Variants in SACS observed in about 807,000 individuals in gnomAD.
SACS encodes sacsin.
SACS carries 197 observed loss-of-function variants against 348.0 expected under a neutral mutation model. The observed-to-expected ratio is 0.57, with a 90% confidence interval of 0.50 to 0.64. The LOEUF (loss-of-function observed/expected upper bound fraction) is 0.64. Among genes scored for constraint, SACS ranks in the 30% least tolerant of loss-of-function variants. The probability of loss-of-function intolerance (pLI) is 0.00; values close to 1 mark genes in which losing one functional copy is unlikely to be tolerated. For synonymous variants in SACS, 1,985 were observed against 1,910.6 expected (o/e 1.04, Z -1.02); for missense variants, 4,999 against 5,360.8 (o/e 0.93, Z 2.11).
At position 23,333,578 on chromosome 13, in the gene SACS, G is replaced by A. The variant is rs200991790; in HGVS notation, c.10298C>T (p.Thr3433Ile). The change falls in exon 10 of 10, where the codon ACA (threonine) becomes ATA (isoleucine). Residue 3433 changes from threonine (T) to isoleucine (I), a missense_variant. Coordinates refer to ENST00000382292, the MANE Select transcript of SACS (RefSeq NM_014363.6). The part of the protein sequence containing the change: ...IGKFGTCYVL[T>I]KSIPSAEVEK... ...CACTTCAGCTGAAGGGATACTTTTT[G>A]TAAGTACGTAGCATGTTCCAAATTT... 232 of 1,613,522 alleles carry A rather than the reference G, an allele frequency of 1.4e-4. 2 individuals are homozygous for A. Among genetic ancestry groups the A allele is most frequent in the Non-Finnish European group, 2.6e-5 (31 of 1,179,716 alleles).
chr13:23,402,594 G>A (rs1566103750), intron 2 of SACS, among the ~76,000 whole-genome samples: 1 of 152,174 alleles, frequency 6.6e-6, no homozygotes, highest in East Asian at 1.9e-4. Flanking sequence ...GGCTTTGACT[G>A]GAATGTCATA....
At chr13:23,356,467 T>C (rs1870399434) in intron 7 of SACS, among the ~76,000 whole-genome samples, 1 of 152,210 alleles carries the variant, frequency 6.6e-6, no homozygotes. Context: ...GCCCTGAAGC[T>C]CATGAGGTAC....
chr13:23,421,198 TG>T (rs1367012153), intron 1 of SACS, among the ~76,000 whole-genome samples: 1 of 152,104 alleles, frequency 6.6e-6, no homozygotes, highest in Non-Finnish European at 1.5e-5. Context: ...TGAGGCCTGG[TG>T]GTCATTTGAA....
intron 6 of SACS, among the ~76,000 whole-genome samples, chr13:23,358,848 T>C (rs774044072): frequency 7.2e-5 from 11 of 152,110 alleles, no homozygotes; most frequent in Non-Finnish European, 1.0e-4. Context: ...ACCAAATAAA[T>C]ATAAAATATT....
chr13:23,330,145 T>C lies in SACS; in HGVS notation c.13731A>G (p.Gln4577=), dbSNP rs1398967426. The C allele has an allele frequency of 4.3e-6, 7 of 1,613,754 alleles. No individual in the cohort carries two copies. In the Admixed American group the frequency reaches 1.0e-4, roughly 23 times the overall value. ...TTTTCGTTAAATATCTTCACACTTT[T>C]TGTTGCATAAAATTTTCAAGTTTTA... ...IIIKLENFMQ[Q]KV The change falls in exon 10 of 10, where the codon CAA becomes CAG. Residue 4577 remains glutamine, a synonymous_variant. Transcript: ENST00000382292.
At chr13:23,422,898 T>A (rs958462057) in intron 1 of SACS, among the ~76,000 whole-genome samples, 2 of 152,162 alleles carry the variant, frequency 1.3e-5, no homozygotes, top group Admixed American at 6.5e-5. Flanking sequence ...TATGAACATA[T>A]GAATATCCAG....
Position 23,417,000 on chromosome 13 carries a change from A to C in SACS, c.-501-5260T>G, listed in dbSNP as rs74684852. Among the ~76,000 whole-genome samples, 1,291 of 152,288 alleles carry C rather than the reference A, an allele frequency of 8.5e-3. 12 individuals carry two copies. The highest frequency in any genetic ancestry group is 0.029 in the African/African-American group (1,219 of 41,558). On this transcript the variant is annotated intron_variant, in intron 1 of 9. Transcript: ENST00000382292. Reference sequence around the variant, plus strand: ...TTCATACAAACTGACAATGTTAATAATAGATTTTTTCAAGATTACTGATAT... The same window carrying C: ...TTCATACAAACTGACAATGTTAATACTAGATTTTTTCAAGATTACTGATAT...
In SACS at chr13:23,354,664, G is replaced by A; in HGVS notation, c.1948C>T (p.Leu650Phe). 6.2e-7 allele frequency: 1 copy of A among 1,614,192 alleles called. No individual in the cohort carries two copies. The highest frequency in any genetic ancestry group is 8.5e-7 in the Non-Finnish European group (1 of 1,180,036). Reference protein sequence around the residue: ...HLGCAEEKLHLLEFVLSDQAY... With the variant: ...HLGCAEEKLHFLEFVLSDQAY... The stretch of plus-strand genomic sequence containing the variant: ...TGGTCAGAAAGCACAAATTCTAGAA[G>A]GTGAAGCTTTTCTTCAGCACAGCCC... Residue 650 changes from leucine (L) to phenylalanine (F), a missense_variant, in exon 8 of 10, where the codon CTT becomes TTT. Physicochemically the swap from Leu to Phe is conservative, Grantham distance 22. This residue lies in a region of SACS where 3,156 missense variants were observed against 3,380.1 expected (regional missense o/e 0.93). Coordinates refer to ENST00000382292, the MANE Select transcript of SACS (RefSeq NM_014363.6).
intron 1 of SACS, among the ~76,000 whole-genome samples, chr13:23,429,486 C>T (rs1874344257): frequency 6.6e-6 from 1 of 150,692 alleles, no homozygotes; most frequent in Non-Finnish European, 1.5e-5. Flanking sequence ...CCTCAGCCTC[C>T]TGAGTAACTG....
chr13:23,332,620 G>A lies in SACS; in HGVS notation c.11256C>T (p.Cys3752=), dbSNP rs1381635793. 6.2e-7 allele frequency: 1 copy of A among 1,613,340 alleles called. No individual in the cohort carries two copies. The highest frequency in any genetic ancestry group is 1.3e-5 in the African/African-American group (1 of 74,900). ...ACGTCGTTATGTTGCATATGTTTCT[G>A]CAGTTATTGATTACCTTATCAAGAG... The part of the protein sequence containing the change: ...DPPLDKVINN[C]RNICNITTLD... Residue 3752 remains cysteine, a synonymous_variant, in exon 10 of 10, where the codon TGC becomes TGT. Transcript: ENST00000382292.
At chr13:23,358,777 C>T (rs371145646) in intron 6 of SACS, among the ~76,000 whole-genome samples, 6 of 152,256 alleles carry the variant, frequency 3.9e-5, no homozygotes, top group African/African-American at 1.4e-4. Flanking sequence ...AGTTACTACT[C>T]TACGTGAAAT....
Position 23,332,737 on chromosome 13 carries a change from G to C in SACS, c.11139C>G (p.Pro3713=), listed in dbSNP as rs1282794513. The change falls in exon 10 of 10, where the codon CCC becomes CCG. Residue 3713 remains proline (P), a synonymous_variant. Transcript: ENST00000382292. The part of the protein sequence containing the change: ...SCPILPEKAT[P]LSIKEQEGSD... ...TACCTTCTTGTTCTTTAATGCTTAA[G>C]GGTGTAGCTTTCTCTGGAAGAATAG... The C allele has an allele frequency of 6.2e-7, 1 of 1,614,002 alleles. No individual in the cohort carries two copies. The highest frequency in any genetic ancestry group is 8.5e-7 in the Non-Finnish European group (1 of 1,179,940).
At chr13:23,377,081 G>A (rs182642396) in intron 2 of SACS, among the ~76,000 whole-genome samples, 6 of 152,232 alleles carry the variant, frequency 3.9e-5, no homozygotes, top group East Asian at 1.9e-4. Flanking sequence ...TATATGACAC[G>A]TCCAGAATTG....
At chr13:23,379,875 C>CATGG (rs1191608307) in intron 2 of SACS, among the ~76,000 whole-genome samples, 1 of 152,184 alleles carries the variant, frequency 6.6e-6, no homozygotes, top group Non-Finnish European at 1.5e-5. Flanking sequence ...GGGCTACCAC[C>CATGG]ATGGCTTTAT....
intron 1 of SACS, among the ~76,000 whole-genome samples, chr13:23,424,246 C>A (rs1021071137): frequency 6.6e-6 from 1 of 152,204 alleles, no homozygotes; most frequent in Admixed American, 6.5e-5. Flanking sequence ...AGATTTCAGG[C>A]CGGGCATGGT....
chr13:23,424,355 G>A (rs1473719212), intron 1 of SACS, among the ~76,000 whole-genome samples: 7 of 151,882 alleles, frequency 4.6e-5, no homozygotes, highest in Non-Finnish European at 7.4e-5. Flanking sequence ...GAAAAACCCC[G>A]GCTCTACTAA....
At position 23,339,583 on chromosome 13, in the gene SACS, T is replaced by C. The variant is rs1435062134; in HGVS notation, c.4293A>G (p.Ala1431=). Residue 1431 remains alanine, a synonymous_variant, in exon 10 of 10, where the codon GCA becomes GCG. Coordinates refer to ENST00000382292, the MANE Select transcript of SACS (RefSeq NM_014363.6). Reference sequence around the variant, plus strand: ...TAAGGCATGGAACTTTTAGCCATTCTGCAGTTTTCATGGGTATGTCCTCAT... The same window carrying C: ...TAAGGCATGGAACTTTTAGCCATTCCGCAGTTTTCATGGGTATGTCCTCAT... ...LVHEDIPMKT[A]EWLKVPCLST... is the part of the protein sequence containing the mutation. The C allele has an allele frequency of 6.2e-7, 1 of 1,612,856 alleles. No individual in the cohort carries two copies. Among genetic ancestry groups the C allele is most frequent in the South Asian group, 1.1e-5 (1 of 91,022 alleles).
intron 2 of SACS, among the ~76,000 whole-genome samples, chr13:23,384,623 G>A (rs1038375357): frequency 2.6e-5 from 4 of 152,152 alleles, no homozygotes; most frequent in Non-Finnish European, 5.9e-5. Context: ...CAAAGCCTAA[G>A]GAAGAGATGC....
intron 1 of SACS, among the ~76,000 whole-genome samples, chr13:23,429,345 ATTTTTTTTTTTT>A (rs536939164): frequency 2.7e-4 from 14 of 51,472 alleles, no homozygotes; most frequent in South Asian, 1.1e-3. Flanking sequence ...TGAGGTAGGG[ATTTTTTTTTTTT>A]TTTTTTTTTT....
Sources: gnomAD v4.1 joint callset for allele counts (sites outside exome capture counted in the v4.1 genomes callset) on GRCh38, gnomAD v4.1.1 for gene constraint, gnomAD v4.1.1 regional missense constraint, MANE v1.5 for transcripts, NCBI Gene and HGNC (gene_info 2026-07-23, HGNC 2026-07-21) for gene names.